The following CASP2 variants were observed in gnomAD, a reference collection of about 807,000 sequenced individuals.
CASP2 encodes caspase-2.
In CASP2, 38 loss-of-function variants were observed where a neutral mutation model predicts 54.4. The observed-to-expected ratio is 0.70, with a 90% CI of 0.54 to 0.92. The LOEUF is 0.92. Ranked by LOEUF, CASP2 falls within the 40% of genes least tolerant of loss-of-function variation. The probability of loss-of-function intolerance (pLI) is 0.00; values close to 1 mark genes in which losing one functional copy is unlikely to be tolerated. For synonymous variants in CASP2, 215 were observed against 216.3 expected, an observed-to-expected ratio of 0.99 and a Z score of 0.05; for missense variants, 512 against 579.6, an observed-to-expected ratio of 0.88 and a Z score of 1.20.
intron 9 of CASP2, among the ~76,000 whole-genome samples, chr7:143,304,302 T>C (rs1802004426): frequency 6.6e-6 from 1 of 152,220 alleles, no homozygotes; most frequent in African/African-American, 2.4e-5. Flanking sequence ...CATTTTTCTA[T>C]TGGCATGCCT....
Position 143,294,244 on chromosome 7 carries a change from T to G in CASP2, c.490T>G (p.Ser164Ala), listed in dbSNP as rs570414893. ...CTATACCACAGATACTGTGGAACAC[T>G]CCCTAGACAATAAAGATGGTCCTGT... ...LRLSTDTVEH[S>A]LDNKDGPVCL... The change falls in exon 5 of 11, where the codon TCC (serine) becomes GCC (alanine). Residue 164 changes from serine (S) to alanine (A), a missense_variant. By Grantham distance (99) the Ser-to-Ala change is moderately conservative. Coordinates refer to ENST00000310447, the MANE Select transcript of CASP2 (RefSeq NM_032982.4). 6.2e-7 allele frequency: 1 copy of G among 1,605,226 alleles called. No homozygotes were observed. Among genetic ancestry groups the G allele is most frequent in the Admixed American group, 1.7e-5 (1 of 60,014 alleles).
chr7:143,305,203 C>T lies in CASP2; in HGVS notation c.*132C>T. The T allele has an allele frequency of 8.4e-7, 1 of 1,184,658 alleles. No homozygotes were observed. 73.4% of individuals were successfully genotyped at this position (1,184,658 alleles called of 1,614,324 possible). ...ATGTGGGAATCTCCCAGACTTGTTT[C>T]CTGTGCCCATCATCTCTGCCTTTGA... On this transcript the variant is annotated 3_prime_UTR_variant, in exon 11 of 11. Transcript: ENST00000310447.
chr7:143,291,780 CTTTTTTTT>C (rs777186983), intron 2 of CASP2, 90 bp downstream of exon 2: 9 of 422,920 alleles, frequency 2.1e-5, no homozygotes, highest in African/African-American at 1.2e-4. Flanking sequence ...ATCTTTCTTC[CTTTTTTTT>C]TTTTTTTTTT....
rs1342815900 is a variant in CASP2 at position 143,296,908 on chromosome 7, G to A, written c.747+2135G>A. ...CCCAGATGTTTTCACTTTTCTCTTT[G>A]TTATTAAGTTTTTATTGCATCTACT... On this transcript the variant is annotated intron_variant, in intron 6 of 10. Coordinates refer to ENST00000310447, the MANE Select transcript of CASP2 (RefSeq NM_032982.4). 2.0e-5 allele frequency among the ~76,000 whole-genome samples: 3 copies of A among 152,022 alleles called. No homozygotes were observed. In the East Asian group the frequency reaches 5.8e-4, roughly 29 times the overall value.
In CASP2 at chr7:143,301,104, G is replaced by A. The variant is rs139615478; in HGVS notation, c.967+810G>A. 215 of 191,816 alleles carry A rather than the reference G, an allele frequency of 1.1e-3. 1 individual carries two copies. Among genetic ancestry groups the A allele is most frequent in the Middle Eastern group, 5.3e-3 (2 of 378 alleles). The allele number at this position is 191,816 out of a possible 1,614,324, so 11.9% of individuals were successfully genotyped here. ...CTTGTACCTACTTCATAAGGTGCTTGTGATGGTTAAATGAGATTATGCATT... is the reference window on the plus strand; with the variant it reads ...CTTGTACCTACTTCATAAGGTGCTTATGATGGTTAAATGAGATTATGCATT... On this transcript the variant is annotated intron_variant, in intron 8 of 10. Coordinates refer to ENST00000310447, the MANE Select transcript of CASP2 (RefSeq NM_032982.4).
At chr7:143,298,863 T>C (rs1393633593) in intron 6 of CASP2, 2 of 152,094 alleles carry the variant, frequency 1.3e-5, no homozygotes, top group African/African-American at 4.8e-5. Context: ...GACTACAACA[T>C]TGACCAGTAA....
intron 10 of CASP2, 64 bp downstream of exon 10, chr7:143,304,847 A>G: frequency 6.2e-7 from 1 of 1,607,210 alleles, no homozygotes; most frequent in Non-Finnish European, 8.5e-7. Flanking sequence ...TCCTCTCTTG[A>G]ATGCTCTTTC....
intron 6 of CASP2, among the ~76,000 whole-genome samples, chr7:143,296,349 G>A (rs2116782073): frequency 6.6e-6 from 1 of 152,324 alleles, no homozygotes; most frequent in South Asian, 2.1e-4. Context: ...AAGATCAGAT[G>A]AGGGAGTTTT....
intron 6 of CASP2, among the ~76,000 whole-genome samples, chr7:143,295,120 C>G (rs2116777956): frequency 6.6e-6 from 1 of 152,082 alleles, no homozygotes; most frequent in South Asian, 2.1e-4. Context: ...CTCTGCCTAC[C>G]AGGTTCAAGC....
chr7:143,294,823 C>A, intron 6 of CASP2, 50 bp downstream of exon 6: 1 of 1,495,950 alleles, frequency 6.7e-7, no homozygotes, highest in Non-Finnish European at 9.3e-7. Flanking sequence ...CTGAACAACA[C>A]TTTGGGACCA....
Position 143,305,461 on chromosome 7 carries a change from C to T in CASP2, c.*390C>T. ...GCTTTTATTACATTAGTTAAGATGT[C>T]TGAGAGACCATCTCCTATCTTTTAT... On this transcript the variant is annotated 3_prime_UTR_variant, in exon 11 of 11. Coordinates refer to ENST00000310447, the MANE Select transcript of CASP2 (RefSeq NM_032982.4). The T allele has an allele frequency of 3.0e-6, 1 of 329,176 alleles. No individual in the cohort carries two copies. The highest frequency in any genetic ancestry group is 2.7e-5 in the South Asian group (1 of 36,398). 20.4% of individuals were successfully genotyped at this position (329,176 alleles called of 1,614,324 possible).
intron 4 of CASP2, 39 bp from the exon 5 acceptor site, chr7:143,294,191 G>T: frequency 1.9e-6 from 2 of 1,044,708 alleles, no homozygotes; most frequent in Non-Finnish European, 1.5e-6. Flanking sequence ...TGATGGTTAA[G>T]TTATATACTA....
intron 2 of CASP2, 90 bp downstream of exon 2, chr7:143,291,780 C>CTTTTTGTTTTTTTTTT (rs1801572092): frequency 3.0e-6 from 1 of 336,022 alleles, no homozygotes; most frequent in Non-Finnish European, 4.9e-6. Flanking sequence ...ATCTTTCTTC[C>CTTTTTGTTTTTTTTTT]TTTTTTTTTT....
chr7:143,305,647 A>G lies in CASP2; in HGVS notation c.*576A>G. The G allele has an allele frequency of 1.7e-5, 3 of 173,868 alleles. No individual in the cohort carries two copies. The highest frequency in any genetic ancestry group is 3.8e-5 in the Non-Finnish European group (3 of 79,428). 10.8% of individuals were successfully genotyped at this position (173,868 alleles called of 1,614,324 possible). A position where few individuals can be genotyped will look rare whatever the true frequency, so the allele number is the denominator to read the frequency against. ...GCCTGTGCGTTCCCTTCAGTACTGC[A>G]GCGCCACCCAGTGGAAGGACACTCT... On this transcript the variant is annotated 3_prime_UTR_variant, in exon 11 of 11. Coordinates refer to ENST00000310447, the MANE Select transcript of CASP2 (RefSeq NM_032982.4).
At position 143,292,373 on chromosome 7, in the gene CASP2, A is replaced by G. The variant is rs1801600899; in HGVS notation, c.299A>G (p.Asp100Gly). 6.2e-7 allele frequency: 1 copy of G among 1,614,190 alleles called. No homozygotes were observed. Among genetic ancestry groups the G allele is most frequent in the African/African-American group, 1.3e-5 (1 of 75,064 alleles). ...LLPKRGPQAF[D>G]AFCEALRETK... Reference sequence around the variant, plus strand: ...CCTAAGAGGGGTCCCCAAGCTTTTGATGCCTTCTGTGAAGCACTGAGGGAG... The same window carrying G: ...CCTAAGAGGGGTCCCCAAGCTTTTGGTGCCTTCTGTGAAGCACTGAGGGAG... Residue 100 changes from aspartate (D) to glycine (G), a missense_variant, in exon 3 of 11, where the codon GAT becomes GGT. Physicochemically the swap from Asp to Gly is moderately conservative, Grantham distance 94. Coordinates refer to ENST00000310447, the MANE Select transcript of CASP2 (RefSeq NM_032982.4).
chr7:143,288,383 T>C lies in CASP2; in HGVS notation c.-73T>C, dbSNP rs1408467944. The C allele has an allele frequency of 2.0e-6, 3 of 1,471,190 alleles. No individual in the cohort carries two copies. 91.1% of individuals were successfully genotyped at this position (1,471,190 alleles called of 1,614,324 possible). A position where few individuals can be genotyped will look rare whatever the true frequency, so the allele number is the denominator to read the frequency against. On this transcript the variant is annotated 5_prime_UTR_variant, in exon 1 of 11. Transcript: ENST00000310447. ...GCGTCCGCGTCTGAGGGGAGGGATGTGGGGGAAGCGACGGCCCCCGGTTTG... is the reference window on the plus strand; with the variant it reads ...GCGTCCGCGTCTGAGGGGAGGGATGCGGGGGAAGCGACGGCCCCCGGTTTG...
intron 8 of CASP2, 146 bp downstream of exon 8, chr7:143,300,440 TGTAA>T: frequency 1.9e-6 from 3 of 1,597,142 alleles, no homozygotes; most frequent in Non-Finnish European, 2.5e-6. Context: ...TCTCTTGCTC[TGTAA>T]GTGTCTCCCA....
rs950803113 is a variant in CASP2 at position 143,294,904 on chromosome 7, T to C, written c.747+131T>C. ...TGGTTTATTCTACTTACATTTTTAC[T>C]CACTCTGTTCTGCCTCTCACCTTGC... On this transcript the variant is annotated intron_variant, in intron 6 of 10. Transcript: ENST00000310447. 1.7e-5 allele frequency: 14 copies of C among 802,546 alleles called. No individual in the cohort carries two copies. In the Admixed American group the frequency reaches 1.8e-4, roughly 10 times the overall value. The allele number at this position is 802,546 out of a possible 1,614,324, so 49.7% of individuals were successfully genotyped here. A position where few individuals can be genotyped will look rare whatever the true frequency, so the allele number is the denominator to read the frequency against.
chr7:143,300,416 C>G (rs779548643), intron 8 of CASP2, 122 bp downstream of exon 8: 1 of 1,598,232 alleles, frequency 6.3e-7, no homozygotes, highest in African/African-American at 1.3e-5. Flanking sequence ...CTTCTGTTCA[C>G]TGCTGCCACC....
Sources: allele counts gnomAD v4.1 joint callset (sites outside exome capture counted in the v4.1 genomes callset), GRCh38; gene constraint gnomAD v4.1.1; transcripts MANE v1.5; gene names NCBI Gene and HGNC (gene_info 2026-07-23, HGNC 2026-07-21).